Variants in RC3H2 observed in about 807,000 individuals in gnomAD.
RC3H2 encodes roquin-2.
Under a neutral mutation model 133.3 loss-of-function variants are expected in RC3H2, and 31 were observed. The ratio of observed to expected loss-of-function variants is 0.23; its 90% confidence interval spans 0.17 to 0.31. The LOEUF is 0.31. Among genes scored for constraint, RC3H2 ranks in the 10% least tolerant of loss-of-function variants. The pLI is 1.00. For synonymous variants in RC3H2, 517 were observed against 502.2 expected, an observed-to-expected ratio of 1.03 and a Z score of -0.40; for missense variants, 1,175 against 1,437.2, an observed-to-expected ratio of 0.82 and a Z score of 2.95.
At chr9:122,870,396 AC>A (rs1831020880) in intron 9 of RC3H2, among the ~76,000 whole-genome samples, 3 of 133,804 alleles carry the variant, frequency 2.2e-5, no homozygotes, top group Middle Eastern at 3.5e-3. Flanking sequence ...AAACAAACAA[AC>A]AAACAAACAA....
At chr9:122,899,389 C>T (rs986369670) in intron 1 of RC3H2, among the ~76,000 whole-genome samples, 7 of 151,850 alleles carry the variant, frequency 4.6e-5, no homozygotes, top group African/African-American at 1.7e-4. Flanking sequence ...CGCGCCCGGC[C>T]CTGCGCTTTT....
intron 3 of RC3H2, 32 bp from the exon 4 acceptor site, chr9:122,890,577 G>GT (rs751124106): frequency 1.3e-5 from 20 of 1,526,960 alleles, no homozygotes; most frequent in Admixed American, 2.1e-5. Context: ...GGGAGCTAAA[G>GT]TTTTTTCAAT....
rs1236177729 is a variant in RC3H2 at position 122,846,998 on chromosome 9, G to A, written c.*2629C>T. 3 of 152,106 alleles carry A rather than the reference G, an allele frequency of 2.0e-5. No individual in the cohort carries two copies. The highest frequency in any genetic ancestry group is 1.5e-5 in the Non-Finnish European group (1 of 67,988). The allele number at this position is 152,106 out of a possible 1,614,324, so 9.4% of individuals were successfully genotyped here. ...TGCAACACAGAATAATCTCAACACA[G>A]AAACAATTCCTATGTTGTTAGTGAA... On this transcript the variant is annotated 3_prime_UTR_variant, in exon 21 of 21. Coordinates refer to ENST00000357244, the MANE Select transcript of RC3H2 (RefSeq NM_001100588.3).
intron 18 of RC3H2, chr9:122,851,692 T>A (rs1170808924): frequency 7.5e-6 from 3 of 400,712 alleles, no homozygotes; most frequent in African/African-American, 7.0e-5. Context: ...GGAGACGGGG[T>A]TTCGCTGTGA....
rs1051938173 is a variant in RC3H2, at chr9:122,849,569, A to T, written c.*58T>A. ...TTATATAATATATATTATATATATA[A>T]AAAGCTAGTGTAAATGCTTCCATGG... On this transcript the variant is annotated 3_prime_UTR_variant, in exon 21 of 21. Transcript: ENST00000357244. 1.1e-5 allele frequency: 9 copies of T among 833,114 alleles called. No individual in the cohort carries two copies. The highest frequency in any genetic ancestry group is 1.8e-5 in the African/African-American group (1 of 55,612). The allele number at this position is 833,114 out of a possible 1,614,324, so 51.6% of individuals were successfully genotyped here.
chr9:122,886,671 T>C (rs953887042), intron 4 of RC3H2, among the ~76,000 whole-genome samples: 1 of 152,212 alleles, frequency 6.6e-6, no homozygotes, highest in Admixed American at 6.5e-5. Context: ...ACCTGAGCAA[T>C]GGAGCAAGAC....
At chr9:122,853,891 A>T (rs755578891) in intron 18 of RC3H2, 61 bp downstream of exon 18, 16 of 1,614,108 alleles carry the variant, frequency 9.9e-6, no homozygotes, top group Non-Finnish European at 1.3e-5. Flanking sequence ...TGGTATAACC[A>T]AGATGCAGCA....
chr9:122,873,178 T>C (rs1419165832), intron 9 of RC3H2, among the ~76,000 whole-genome samples: 1 of 152,202 alleles, frequency 6.6e-6, no homozygotes. Flanking sequence ...TTATGTGAAC[T>C]AAGACAAACA....
At chr9:122,862,694 A>G (rs1830503078) in intron 10 of RC3H2, among the ~76,000 whole-genome samples, 2 of 152,248 alleles carry the variant, frequency 1.3e-5, no homozygotes, top group African/African-American at 4.8e-5. Context: ...CAGGAGTTCT[A>G]GACCAGTCTG....
In RC3H2 at chr9:122,905,127, G is replaced by C; in HGVS notation, c.-85C>G. On this transcript the variant is annotated 5_prime_UTR_variant, in exon 1 of 21. Transcript: ENST00000357244. ...CGCCCTACCTGAGGGGGCCCGGGCGGGGTCGCTAAGGGCCGCTCCCGGGAG... is the reference window on the plus strand; with the variant it reads ...CGCCCTACCTGAGGGGGCCCGGGCGCGGTCGCTAAGGGCCGCTCCCGGGAG... 4 of 985,410 alleles carry C rather than the reference G, an allele frequency of 4.1e-6. No homozygotes were observed. Among genetic ancestry groups the C allele is most frequent in the Non-Finnish European group, 3.6e-6 (3 of 829,910 alleles). 61.0% of individuals were successfully genotyped at this position (985,410 alleles called of 1,614,324 possible). A position where few individuals can be genotyped will look rare whatever the true frequency, so the allele number is the denominator to read the frequency against.
At chr9:122,889,085 T>G (rs7046980) in intron 4 of RC3H2, among the ~76,000 whole-genome samples, 14,456 of 152,236 alleles carry the variant, frequency 0.095, 2,204 homozygotes, top group African/African-American at 0.32. Flanking sequence ...TCTGAATTTT[T>G]AGACATACCT....
intron 1 of RC3H2, 116 bp downstream of exon 1, chr9:122,904,994 G>T: frequency 1.4e-6 from 1 of 729,548 alleles, no homozygotes; most frequent in Non-Finnish European, 1.7e-6. Context: ...CAACCCTCGA[G>T]GCACCAGGGG....
intron 1 of RC3H2, 70 bp downstream of exon 1, chr9:122,905,040 C>T (rs1373600436): frequency 1.0e-6 from 1 of 968,528 alleles, no homozygotes; most frequent in Non-Finnish European, 1.2e-6. Flanking sequence ...AGACTGGTCT[C>T]CCGCCCGACC....
At chr9:122,859,153 AT>A in intron 11 of RC3H2, 51 bp from the exon 12 acceptor site, 1 of 1,391,924 alleles carries the variant, frequency 7.2e-7, no homozygotes, top group Non-Finnish European at 9.6e-7. Flanking sequence ...ACAATCCAAC[AT>A]TTTATAATGG....
chr9:122,894,109 A>G (rs541514947), intron 2 of RC3H2, among the ~76,000 whole-genome samples: 34 of 152,124 alleles, frequency 2.2e-4, no homozygotes, highest in Non-Finnish European at 4.3e-4. Flanking sequence ...AATACAAAAA[A>G]TTAGCCGGGC....
At chr9:122,873,215 G>C (rs186249471) in intron 9 of RC3H2, among the ~76,000 whole-genome samples, 2 of 152,270 alleles carry the variant, frequency 1.3e-5, no homozygotes, top group East Asian at 3.9e-4. Context: ...CTCAGAGTGA[G>C]GTAGCAATAT....
intron 13 of RC3H2, among the ~76,000 whole-genome samples, chr9:122,857,218 T>G (rs1278670821): frequency 6.6e-6 from 1 of 152,188 alleles, no homozygotes; most frequent in Non-Finnish European, 1.5e-5. Context: ...TGAAAAGATT[T>G]TAAAAATTTT....
At chr9:122,883,083 G>C in intron 5 of RC3H2, 121 bp downstream of exon 5, 1 of 905,562 alleles carries the variant, frequency 1.1e-6, no homozygotes, top group Non-Finnish European at 1.7e-6. Flanking sequence ...CAGAAGGAAA[G>C]TTTCCTCTCA....
chr9:122,888,336 A>G (rs553149307), intron 4 of RC3H2, among the ~76,000 whole-genome samples: 10 of 152,334 alleles, frequency 6.6e-5, no homozygotes, highest in African/African-American at 2.2e-4. Flanking sequence ...ATTTTTAATT[A>G]AATTTAAAAA....
Sources: gnomAD v4.1 joint callset for allele counts (sites outside exome capture counted in the v4.1 genomes callset) on GRCh38, gnomAD v4.1.1 for gene constraint, MANE v1.5 for transcripts, NCBI Gene and HGNC (gene_info 2026-07-23, HGNC 2026-07-21) for gene names.